GNPAT: variants seen among roughly 807,000 people sequenced by gnomAD.
GNPAT encodes dihydroxyacetone phosphate acyltransferase.
A neutral mutation model predicts 78.4 loss-of-function variants in GNPAT; 30 were observed. The ratio of observed to expected loss-of-function variants is 0.38; its 90% confidence interval spans 0.29 to 0.52. The LOEUF is 0.52. GNPAT is among the 20% of genes least tolerant of loss of function. The pLI, the probability that GNPAT is intolerant of heterozygous loss-of-function variation, is 0.84. For missense variants in GNPAT, 714 were observed against 812.2 expected (o/e 0.88, Z 1.47); for synonymous variants, 271 against 281.1 (o/e 0.96, Z 0.36).
At chr1:231,250,425 T>G (rs886676640) in intron 1 of GNPAT, among the ~76,000 whole-genome samples, 1 of 152,132 alleles carries the variant, frequency 6.6e-6, no homozygotes, top group Non-Finnish European at 1.5e-5. Context: ...GAATAAGCTC[T>G]TGTCTCGAAA....
At chr1:231,255,244 T>C (rs1685015599) in intron 2 of GNPAT, among the ~76,000 whole-genome samples, 1 of 152,072 alleles carries the variant, frequency 6.6e-6, no homozygotes, top group Non-Finnish European at 1.5e-5. Flanking sequence ...GGAACTTTGC[T>C]CTCCTGACTA....
In GNPAT at chr1:231,265,766, A is replaced by G; in HGVS notation, c.751A>G (p.Lys251Glu). The change falls in exon 6 of 16, where the codon AAG becomes GAG. Residue 251 changes from lysine to glutamate, a missense_variant. By Grantham distance (56) the Lys-to-Glu change is moderately conservative. Coordinates refer to ENST00000366647, the MANE Select transcript of GNPAT (RefSeq NM_014236.4). ...FLEGTRSRSA[K>E]TLTPKFGLLN... ...CGAAGGGACAAGAAGCCGCTCTGCC[A>G]AGACATTGACTCCTAAATTTGGTAG... 3 of 1,601,032 alleles carry G rather than the reference A, an allele frequency of 1.9e-6. No homozygotes were observed. The highest frequency in any genetic ancestry group is 1.7e-6 in the Non-Finnish European group (2 of 1,167,988).
At chr1:231,257,798 T>C (rs1685107219) in intron 2 of GNPAT, among the ~76,000 whole-genome samples, 1 of 152,222 alleles carries the variant, frequency 6.6e-6, no homozygotes, top group Admixed American at 6.5e-5. Context: ...GCTGGACATC[T>C]AATCTGTATG....
chr1:231,242,535 A>C (rs1684642162), intron 1 of GNPAT, among the ~76,000 whole-genome samples: 1 of 152,192 alleles, frequency 6.6e-6, no homozygotes, highest in Non-Finnish European at 1.5e-5. Flanking sequence ...TATAAGCCTT[A>C]TTATTTAGAT....
rs747659901 is a variant in GNPAT, at chr1:231,272,296, A to T, written c.1523-16A>T. ...AAGGGCAATGTTGTAATTTTACATG[A>T]TGCATTTATTTCCAGAGGATGTCTA... On this transcript the variant is annotated splice_polypyrimidine_tract_variant and intron_variant, in intron 10 of 15. Coordinates refer to ENST00000366647, the MANE Select transcript of GNPAT (RefSeq NM_014236.4). 1.4e-6 allele frequency: 2 copies of T among 1,391,116 alleles called. No homozygotes were observed. Among genetic ancestry groups the T allele is most frequent in the East Asian group, 4.6e-5 (2 of 43,664 alleles). The allele number at this position is 1,391,116 out of a possible 1,614,324, so 86.2% of individuals were successfully genotyped here.
intron 2 of GNPAT, among the ~76,000 whole-genome samples, chr1:231,257,045 A>T (rs1224281601): frequency 6.6e-6 from 1 of 152,224 alleles, no homozygotes; most frequent in Admixed American, 6.5e-5. Flanking sequence ...TTAGGTTTCT[A>T]TGAAGGTGTA....
At chr1:231,277,433 A>C in intron 15 of GNPAT, 66 bp from the exon 16 acceptor site, 3 of 921,914 alleles carry the variant, frequency 3.3e-6, no homozygotes, top group South Asian at 1.3e-5. Flanking sequence ...TCGCCCAAGG[A>C]ACAGCTGTAT....
In GNPAT at chr1:231,267,906, A is replaced by T; in HGVS notation, c.1279+3A>T. Reference sequence around the variant, plus strand: ...TGGAGGGTTTCTCATTTGGCCTGGTATGTAGGTAGGACATATGTGTTGAGA... The same window carrying T: ...TGGAGGGTTTCTCATTTGGCCTGGTTTGTAGGTAGGACATATGTGTTGAGA... On this transcript the variant is annotated splice_donor_region_variant and intron_variant, in intron 9 of 15. Coordinates refer to ENST00000366647, the MANE Select transcript of GNPAT (RefSeq NM_014236.4). The T allele has an allele frequency of 1.3e-6, 2 of 1,539,038 alleles. No individual in the cohort carries two copies. Among genetic ancestry groups the T allele is most frequent in the Non-Finnish European group, 1.8e-6 (2 of 1,111,454 alleles).
intron 2 of GNPAT, among the ~76,000 whole-genome samples, chr1:231,252,806 A>C (rs892242289): frequency 6.6e-6 from 1 of 151,928 alleles, no homozygotes; most frequent in Non-Finnish European, 1.5e-5. Context: ...TCAGAATTGC[A>C]GTATTCTTGC....
intron 2 of GNPAT, among the ~76,000 whole-genome samples, chr1:231,253,980 T>A (rs1157296512): frequency 6.6e-6 from 1 of 152,176 alleles, no homozygotes; most frequent in African/African-American, 2.4e-5. Flanking sequence ...ACCCGGCTAA[T>A]TTTTGTATTT....
At chr1:231,252,062 A>C (rs1000936677) in intron 2 of GNPAT, among the ~76,000 whole-genome samples, 1 of 152,218 alleles carries the variant, frequency 6.6e-6, no homozygotes, top group Admixed American at 6.5e-5. Context: ...AGTACAGTGC[A>C]AAGATGTTGA....
At chr1:231,243,101 G>A (rs1198908459) in intron 1 of GNPAT, among the ~76,000 whole-genome samples, 1 of 152,214 alleles carries the variant, frequency 6.6e-6, no homozygotes, top group Admixed American at 6.5e-5. Flanking sequence ...ATTATTCTCA[G>A]TTTCCAAGAT....
In GNPAT at chr1:231,241,226, A is replaced by T; in HGVS notation, c.-153A>T. 1.3e-6 allele frequency: 2 copies of T among 1,504,834 alleles called. No homozygotes were observed. The highest frequency in any genetic ancestry group is 1.8e-6 in the Non-Finnish European group (2 of 1,084,382). 93.2% of individuals were successfully genotyped at this position (1,504,834 alleles called of 1,614,324 possible). A position where few individuals can be genotyped will look rare whatever the true frequency, so the allele number is the denominator to read the frequency against. On this transcript the variant is annotated 5_prime_UTR_variant, in exon 1 of 16. It removes an upstream start codon present in the reference 5' UTR. Coordinates refer to ENST00000366647, the MANE Select transcript of GNPAT (RefSeq NM_014236.4). ...CTGCGCGGCTTCCGTCCTGGCTGAG[A>T]TGGCGGCGCCCGGGATCCTGTGTAG...
intron 9 of GNPAT, among the ~76,000 whole-genome samples, chr1:231,268,559 G>A (rs1360446201): frequency 6.7e-6 from 1 of 148,168 alleles, no homozygotes; most frequent in Non-Finnish European, 1.5e-5. Flanking sequence ...AGGATCACTT[G>A]AGCCCAGGAG....
rs139983619 is a variant in GNPAT, at chr1:231,277,108, G to A, written c.2000-391G>A. ...CCTTGTAGAAAAAAATATGTAGGTC[G>A]AAATCCCAGTCTTCTATTTATATCG... is the stretch of plus-strand genomic sequence containing the variant. On this transcript the variant is annotated intron_variant, in intron 15 of 15. Transcript: ENST00000366647. 2.3e-3 allele frequency among the ~76,000 whole-genome samples: 348 copies of A among 152,284 alleles called. 1 individual carries two copies. Among genetic ancestry groups the A allele is most frequent in the African/African-American group, 6.0e-3 (251 of 41,550 alleles).
At chr1:231,254,591 G>A (rs575698359) in intron 2 of GNPAT, among the ~76,000 whole-genome samples, 20 of 150,894 alleles carry the variant, frequency 1.3e-4, no homozygotes, top group South Asian at 4.2e-4. Context: ...ACAGGTGTCC[G>A]CCACCATGCC....
intron 2 of GNPAT, among the ~76,000 whole-genome samples, chr1:231,255,710 C>G (rs559608010): frequency 1.3e-5 from 2 of 152,182 alleles, no homozygotes; most frequent in Non-Finnish European, 1.5e-5. Context: ...GCTGGGATTA[C>G]AGGTGTGAGC....
rs759480358 is a variant in GNPAT, at chr1:231,270,972, A to G, written c.1494A>G (p.Ala498=). 46 of 1,614,034 alleles carry G rather than the reference A, an allele frequency of 2.9e-5. No homozygotes were observed. The South Asian group carries it at 4.1e-4, about 14-fold the overall frequency. Residue 498 remains alanine, a synonymous_variant, in exon 10 of 16, where the codon GCA becomes GCG. Transcript: ENST00000366647. ...IFVRPSLVAV[A]LQMTPGFRKE... ...TGCGCCCATCCTTAGTAGCAGTAGC[A>G]TTGCAGATGACACCAGGGTTCAGGA...
At chr1:231,252,564 C>A (rs910702537) in intron 2 of GNPAT, among the ~76,000 whole-genome samples, 2 of 152,202 alleles carry the variant, frequency 1.3e-5, no homozygotes, top group Non-Finnish European at 2.9e-5. Flanking sequence ...AGATCCTCTT[C>A]ATAGCTTTGG....
Sources: allele counts gnomAD v4.1 joint callset (sites outside exome capture counted in the v4.1 genomes callset), GRCh38; gene constraint gnomAD v4.1.1; transcripts MANE v1.5; gene names NCBI Gene and HGNC (gene_info 2026-07-23, HGNC 2026-07-21).